The following PTPRT variants were observed in gnomAD, a reference collection of about 807,000 sequenced individuals.
PTPRT encodes the protein receptor-type tyrosine-protein phosphatase T.
Under a neutral mutation model 176.8 loss-of-function variants are expected in PTPRT, and 56 were observed. The observed-to-expected ratio is 0.32, with a 90% confidence interval of 0.26 to 0.40. The LOEUF is 0.40. Among genes scored for constraint, PTPRT ranks in the 10% least tolerant of loss-of-function variants. The pLI is 1.00. For missense variants in PTPRT, 1,540 were observed against 1,908.2 expected (o/e 0.81, Z 3.60); for synonymous variants, 783 against 739.0 (o/e 1.06, Z -0.96).
chr20:42,724,901 T>C (rs546977285), intron 6 of PTPRT, among the ~76,000 whole-genome samples: 1 of 152,224 alleles, frequency 6.6e-6, no homozygotes, highest in East Asian at 1.9e-4. Flanking sequence ...GATAAATCAG[T>C]ATAATTTGCC....
chr20:42,511,730 C>A (rs779193419), intron 7 of PTPRT, among the ~76,000 whole-genome samples: 1 of 151,304 alleles, frequency 6.6e-6, no homozygotes, highest in Non-Finnish European at 1.5e-5. Context: ...TGGTAAACAC[C>A]CTATTTTTTT....
intron 1 of PTPRT, among the ~76,000 whole-genome samples, chr20:42,900,417 C>G (rs1469864260): frequency 6.6e-6 from 1 of 152,136 alleles, no homozygotes; most frequent in Admixed American, 6.5e-5. Context: ...CCTGGCTTGT[C>G]CCCGGTATGA....
intron 9 of PTPRT, among the ~76,000 whole-genome samples, chr20:42,409,354 C>T (rs945342520): frequency 2.0e-5 from 3 of 151,542 alleles, no homozygotes; most frequent in Admixed American, 6.6e-5. Context: ...TGGTGTCTCG[C>T]GCCTGTAGTC....
At chr20:42,959,564 G>A (rs1341092617) in intron 1 of PTPRT, among the ~76,000 whole-genome samples, 2 of 152,138 alleles carry the variant, frequency 1.3e-5, no homozygotes, top group Non-Finnish European at 1.5e-5. Context: ...GAGATGCTGT[G>A]ACTGGCCTCC....
At chr20:42,411,130 T>A (rs927077032) in intron 9 of PTPRT, among the ~76,000 whole-genome samples, 1 of 151,890 alleles carries the variant, frequency 6.6e-6, no homozygotes, top group African/African-American at 2.4e-5. Context: ...AAACAAATGG[T>A]AAAATCAAAA....
the PTPRT span, among the ~76,000 whole-genome samples, chr20:42,046,716 TTTAG>T: frequency 6.6e-6 from 1 of 152,166 alleles, no homozygotes; most frequent in African/African-American, 2.4e-5. Flanking sequence ...GATCAATTTG[TTTAG>T]TTAGGCCGAG....
intron 2 of PTPRT, among the ~76,000 whole-genome samples, chr20:42,832,811 A>AAAAG (rs1234923863): frequency 3.3e-5 from 5 of 150,170 alleles, no homozygotes; most frequent in African/African-American, 1.2e-4. Context: ...TAAAAAAAAA[A>AAAAG]AAAAAAAAAA....
chr20:42,868,655 G>C (rs1033095002), intron 2 of PTPRT, among the ~76,000 whole-genome samples: 1 of 152,172 alleles, frequency 6.6e-6, no homozygotes, highest in African/African-American at 2.4e-5. Context: ...GTCAATGTTT[G>C]ATAAAAATAT....
chr20:43,102,560 A>G (rs534407176), intron 1 of PTPRT, among the ~76,000 whole-genome samples: 3 of 152,336 alleles, frequency 2.0e-5, no homozygotes, highest in African/African-American at 4.8e-5. Flanking sequence ...CCCAAAGCCT[A>G]GCGCCTGCAG....
chr20:42,380,186 G>A (rs1293941996), intron 9 of PTPRT, among the ~76,000 whole-genome samples: 1 of 152,178 alleles, frequency 6.6e-6, no homozygotes, highest in Non-Finnish European at 1.5e-5. Context: ...GTTGCCCTCT[G>A]CTGCATCCTG....
At chr20:43,075,367 G>C (rs1004404738) in intron 1 of PTPRT, among the ~76,000 whole-genome samples, 1 of 152,238 alleles carries the variant, frequency 6.6e-6, no homozygotes, top group East Asian at 1.9e-4. Context: ...CCCAGCCGTC[G>C]AGAGCTCCGC....
intron 27 of PTPRT, among the ~76,000 whole-genome samples, chr20:42,095,974 C>A (rs73907099): frequency 6.6e-6 from 1 of 152,106 alleles, no homozygotes. Context: ...TCATATTTTC[C>A]CCAGTTATAT....
chr20:42,774,839 C>T (rs900050810), intron 4 of PTPRT, among the ~76,000 whole-genome samples: 1 of 152,192 alleles, frequency 6.6e-6, no homozygotes, highest in African/African-American at 2.4e-5. Context: ...TGGCTCATGA[C>T]AGGCAGTGCT....
chr20:42,741,823 G>A (rs1228399997), intron 6 of PTPRT, among the ~76,000 whole-genome samples: 7 of 152,002 alleles, frequency 4.6e-5, no homozygotes, highest in South Asian at 2.1e-4. Context: ...TACTAGATAC[G>A]GGTCAATAAC....
At chr20:42,617,108 C>G (rs1326220817) in intron 7 of PTPRT, among the ~76,000 whole-genome samples, 1 of 137,002 alleles carries the variant, frequency 7.3e-6, no homozygotes, top group East Asian at 2.0e-4. Context: ...TTTGAAATAC[C>G]TCCCATCAAT....
At chr20:43,007,239 G>C (rs1031586322) in intron 1 of PTPRT, among the ~76,000 whole-genome samples, 3 of 152,090 alleles carry the variant, frequency 2.0e-5, no homozygotes, top group Admixed American at 2.0e-4. Flanking sequence ...CAATTTAAAG[G>C]GTTCCAAGGA....
In PTPRT at chr20:42,634,074, TAATATATATATAATATA is replaced by T. The variant is rs1569039022; in HGVS notation, c.1153+43775_1153+43791del. The stretch of plus-strand genomic sequence containing the variant: ...ATATTATAAATATATAATATATATA[TAATATATATATAATATA>T]ATAATATATATATTATAATAATATA... On this transcript the variant is annotated intron_variant, in intron 7 of 30. Transcript: ENST00000373187. Among the ~76,000 whole-genome samples the T allele has an allele frequency of 2.5e-3, 109 of 42,772 alleles. 2 individuals carry two copies. Among genetic ancestry groups the T allele is most frequent in the African/African-American group, 0.012 (106 of 8,796 alleles). 28.1% of individuals were successfully genotyped at this position (42,772 alleles called of 152,430 possible).
chr20:42,036,614 C>G, the PTPRT span, among the ~76,000 whole-genome samples: 1 of 151,964 alleles, frequency 6.6e-6, no homozygotes, highest in Admixed American at 6.6e-5. Context: ...GCAGGAATCC[C>G]GAAGAGCACT....
chr20:43,036,547 T>G (rs1986386820), intron 1 of PTPRT, among the ~76,000 whole-genome samples: 1 of 148,988 alleles, frequency 6.7e-6, no homozygotes, highest in South Asian at 2.1e-4. Flanking sequence ...AAGAGAAAAT[T>G]TAATTTTGTG....
Sources: allele counts gnomAD v4.1 joint callset (sites outside exome capture counted in the v4.1 genomes callset), GRCh38; gene constraint gnomAD v4.1.1; transcripts MANE v1.5; gene names NCBI Gene and HGNC (gene_info 2026-07-23, HGNC 2026-07-21).